GXYLT1: variants seen among roughly 807,000 people sequenced by gnomAD.
GXYLT1 encodes glucoside xylosyltransferase 1.
GXYLT1 carries 29 observed loss-of-function variants against 54.0 expected under a neutral mutation model. That is an observed-to-expected ratio of 0.54 (90% CI 0.40 to 0.73). The LOEUF (loss-of-function observed/expected upper bound fraction) is 0.73, where lower values mean the gene tolerates loss of function less well. GXYLT1 is among the 30% of genes least tolerant of loss of function. The pLI, the probability that GXYLT1 is intolerant of heterozygous loss-of-function variation, is 0.00. For missense variants in GXYLT1, 490 were observed against 553.4 expected, an observed-to-expected ratio of 0.89 and a Z score of 1.15; for synonymous variants, 176 against 204.1, an observed-to-expected ratio of 0.86 and a Z score of 1.17.
At chr12:42,113,773 G>A (rs1440330174) in intron 3 of GXYLT1, among the ~76,000 whole-genome samples, 1 of 150,886 alleles carries the variant, frequency 6.6e-6, no homozygotes, top group African/African-American at 2.5e-5. Context: ...TCTGCACCAA[G>A]CGGACCTAAT....
At chr12:42,089,644 G>T (rs1166090482) in intron 7 of GXYLT1, among the ~76,000 whole-genome samples, 1 of 152,146 alleles carries the variant, frequency 6.6e-6, no homozygotes, top group East Asian at 1.9e-4. Context: ...CGTCCCAACA[G>T]TCTAGCTCCA....
chr12:42,097,833 T>G (rs1343947077), intron 6 of GXYLT1, 77 bp downstream of exon 6: 5 of 1,138,900 alleles, frequency 4.4e-6, no homozygotes, highest in Non-Finnish European at 5.1e-6. Flanking sequence ...CAGAATCAGA[T>G]AAGTGCATGT....
rs199716489 is a variant in GXYLT1 at position 42,085,948 on chromosome 12, G to T, written c.*1838C>A. On this transcript the variant is annotated 3_prime_UTR_variant, in exon 8 of 8. Coordinates refer to ENST00000398675, the MANE Select transcript of GXYLT1 (RefSeq NM_173601.2). ...TACCAATGCACTATTCTAGTTTTGT[G>T]TAATTTTTAAATTTCTTCATTAAAA... 7.8e-6 allele frequency: 1 copy of T among 128,948 alleles called. No homozygotes were observed. The highest frequency in any genetic ancestry group is 1.7e-5 in the Non-Finnish European group (1 of 57,896). 8.0% of individuals were successfully genotyped at this position (128,948 alleles called of 1,614,324 possible).
intron 7 of GXYLT1, 58 bp from the exon 8 acceptor site, chr12:42,088,005 G>A (rs1312796897): frequency 3.9e-6 from 3 of 776,306 alleles, no homozygotes; most frequent in Non-Finnish European, 3.9e-6. Flanking sequence ...ACATATGTAA[G>A]TTCAATTATT....
chr12:42,095,713 T>G (rs2065351916), intron 7 of GXYLT1, among the ~76,000 whole-genome samples: 1 of 147,488 alleles, frequency 6.8e-6, no homozygotes, highest in Non-Finnish European at 1.5e-5. Context: ...TATATTAATA[T>G]CCCCCTATCA....
At chr12:42,139,025 G>T (rs1006636644) in intron 1 of GXYLT1, among the ~76,000 whole-genome samples, 1 of 149,030 alleles carries the variant, frequency 6.7e-6, no homozygotes, top group African/African-American at 2.5e-5. Flanking sequence ...GCAATGGAGC[G>T]AGACTCTGTC....
intron 7 of GXYLT1, among the ~76,000 whole-genome samples, chr12:42,093,570 T>G (rs904685483): frequency 2.6e-5 from 4 of 152,170 alleles, no homozygotes; most frequent in Non-Finnish European, 5.9e-5. Context: ...GTGCTATTAG[T>G]GTACAAATGA....
At chr12:42,104,366 T>C (rs2065407630) in intron 5 of GXYLT1, among the ~76,000 whole-genome samples, 1 of 152,084 alleles carries the variant, frequency 6.6e-6, no homozygotes, top group Non-Finnish European at 1.5e-5. Flanking sequence ...TTTTACTATA[T>C]TTAGTAAAAC....
chr12:42,130,442 A>G (rs1292566170), intron 1 of GXYLT1, among the ~76,000 whole-genome samples: 1 of 152,154 alleles, frequency 6.6e-6, no homozygotes, highest in African/African-American at 2.4e-5. Flanking sequence ...ACCCAGTTAA[A>G]ATGGTTATTA....
chr12:42,113,594 T>C (rs1227656864), intron 3 of GXYLT1, among the ~76,000 whole-genome samples: 1 of 150,932 alleles, frequency 6.6e-6, no homozygotes, highest in Non-Finnish European at 1.5e-5. Flanking sequence ...ATCCTAAATA[T>C]ATATGCACCC....
chr12:42,083,164 T>C lies in GXYLT1; in HGVS notation c.*4622A>G, dbSNP rs974530084. ...TCATGAGTCTTTAATTGCTGGATAT[T>C]TGAATAACACATTAATTTTTTAAAA... On this transcript the variant is annotated 3_prime_UTR_variant, in exon 8 of 8. Coordinates refer to ENST00000398675, the MANE Select transcript of GXYLT1 (RefSeq NM_173601.2). The C allele has an allele frequency of 2.0e-5, 3 of 152,118 alleles. No individual in the cohort carries two copies. Among genetic ancestry groups the C allele is most frequent in the African/African-American group, 7.2e-5 (3 of 41,394 alleles). The allele number at this position is 152,118 out of a possible 1,614,324, so 9.4% of individuals were successfully genotyped here. A position where few individuals can be genotyped will look rare whatever the true frequency, so the allele number is the denominator to read the frequency against.
In GXYLT1 at chr12:42,115,889, G is replaced by T. The variant is rs935984853; in HGVS notation, c.486+3111C>A. The stretch of plus-strand genomic sequence containing the variant: ...ACCTGACTTCAAACTATACTACAAG[G>T]CTACAATAACCAAAACAGCATGGTA... On this transcript the variant is annotated intron_variant, in intron 3 of 7. Transcript: ENST00000398675. Among the ~76,000 whole-genome samples the T allele has an allele frequency of 1.6e-5, 2 of 125,146 alleles. 1 individual carries two copies. The highest frequency in any genetic ancestry group is 3.6e-5 in the Non-Finnish European group (2 of 56,114). 82.1% of individuals were successfully genotyped at this position (125,146 alleles called of 152,430 possible).
In GXYLT1 at chr12:42,087,851, T is replaced by C. The variant is rs2065305488; in HGVS notation, c.1258A>G (p.Ile420Val). The change falls in exon 8 of 8, where the codon ATA (isoleucine) becomes GTA (valine). Residue 420 changes from isoleucine (I) to valine (V), a missense_variant. Transcript: ENST00000398675. ...VHTYCGKIYK[I>V]FIKQLAKSVR... Reference sequence around the variant, plus strand: ...CTTTTTGCTAGTTGTTTGATAAATATTTTGTAAATTTTTCCACAGTATGTA... The same window carrying C: ...CTTTTTGCTAGTTGTTTGATAAATACTTTGTAAATTTTTCCACAGTATGTA... 1.9e-6 allele frequency: 3 copies of C among 1,605,620 alleles called. No homozygotes were observed. The highest frequency in any genetic ancestry group is 1.9e-4 in the Middle Eastern group (1 of 5,396).
chr12:42,114,147 T>C (rs2065477291), intron 3 of GXYLT1, among the ~76,000 whole-genome samples: 1 of 152,196 alleles, frequency 6.6e-6, no homozygotes, highest in East Asian at 1.9e-4. Flanking sequence ...GAGGGAAATT[T>C]ACACCACTAA....
At chr12:42,095,599 CA>C (rs1183227415) in intron 7 of GXYLT1, among the ~76,000 whole-genome samples, 1 of 152,120 alleles carries the variant, frequency 6.6e-6, no homozygotes, top group Non-Finnish European at 1.5e-5. Flanking sequence ...AACCAGAAAA[CA>C]ATGAAATTGG....
At chr12:42,134,782 T>C (rs1414750609) in intron 1 of GXYLT1, among the ~76,000 whole-genome samples, 2 of 152,242 alleles carry the variant, frequency 1.3e-5, no homozygotes, top group African/African-American at 2.4e-5. Flanking sequence ...ATGACTATGC[T>C]GATTAGTAGA....
chr12:42,141,346 T>C (rs2065651412), intron 1 of GXYLT1, among the ~76,000 whole-genome samples: 1 of 152,220 alleles, frequency 6.6e-6, no homozygotes, highest in South Asian at 2.1e-4. Context: ...TATCTGCAGT[T>C]TTTCCTTCAT....
intron 5 of GXYLT1, among the ~76,000 whole-genome samples, chr12:42,104,342 T>C (rs2065407478): frequency 6.6e-6 from 1 of 151,874 alleles, no homozygotes; most frequent in African/African-American, 2.4e-5. Flanking sequence ...ATAACAATCA[T>C]GTTACTATCT....
intron 5 of GXYLT1, among the ~76,000 whole-genome samples, chr12:42,102,777 C>T (rs772402213): frequency 3.3e-5 from 5 of 151,900 alleles, no homozygotes; most frequent in African/African-American, 4.8e-5. Flanking sequence ...GGATTCAACA[C>T]GGCAAATACG....
Sources: gnomAD v4.1 joint callset for allele counts (sites outside exome capture counted in the v4.1 genomes callset) on GRCh38, gnomAD v4.1.1 for gene constraint, MANE v1.5 for transcripts, NCBI Gene and HGNC (gene_info 2026-07-23, HGNC 2026-07-21) for gene names.